The following PALLD variants were observed in gnomAD, a reference collection of about 807,000 sequenced individuals.
The protein encoded by PALLD is palladin.
PALLD carries 61 observed loss-of-function variants against 123.5 expected under a neutral mutation model. The observed-to-expected ratio is 0.49, with a 90% confidence interval of 0.40 to 0.61. The LOEUF is 0.61. Ranked by LOEUF, PALLD falls within the 20% of genes least tolerant of loss-of-function variation. The pLI is 0.00. For missense variants in PALLD, 1,273 were observed against 1,377.0 expected (o/e 0.92, Z 1.20); for synonymous variants, 465 against 496.4 (o/e 0.94, Z 0.84).
chr4:168,868,545 C>T, intron 10 of PALLD, among the ~76,000 whole-genome samples: 1 of 152,216 alleles, frequency 6.6e-6, no homozygotes. Flanking sequence ...CCTACACATT[C>T]TTTAACTTAG....
intron 2 of PALLD, among the ~76,000 whole-genome samples, chr4:168,656,702 C>A (rs1778610916): frequency 6.6e-6 from 1 of 152,098 alleles, no homozygotes; most frequent in South Asian, 2.1e-4. Context: ...CCCTGCATAT[C>A]CAGATTGTGG....
At chr4:168,774,386 T>C (rs1182099747) in intron 10 of PALLD, among the ~76,000 whole-genome samples, 1 of 152,160 alleles carries the variant, frequency 6.6e-6, no homozygotes, top group Non-Finnish European at 1.5e-5. Flanking sequence ...TGCAATGTAA[T>C]AAGTTTTGAC....
At chr4:168,708,062 G>A (rs745788284) in intron 8 of PALLD, among the ~76,000 whole-genome samples, 3 of 152,128 alleles carry the variant, frequency 2.0e-5, no homozygotes, top group Non-Finnish European at 2.9e-5. Context: ...AGCTTGCTTT[G>A]AATCCCTATG....
chr4:168,633,043 C>T (rs2149835153), intron 2 of PALLD, among the ~76,000 whole-genome samples: 1 of 152,292 alleles, frequency 6.6e-6, no homozygotes, highest in South Asian at 2.1e-4. Context: ...AGAAAATCAT[C>T]AGGATATTGG....
At chr4:168,653,891 AG>A (rs1189070096) in intron 2 of PALLD, among the ~76,000 whole-genome samples, 1 of 151,990 alleles carries the variant, frequency 6.6e-6, no homozygotes, top group Non-Finnish European at 1.5e-5. Flanking sequence ...TAGTAGAGAC[AG>A]GGTTTCACCA....
rs376393417 is a variant in PALLD at position 168,509,583 on chromosome 4, A to C, written c.-82-1840A>C. ...TTCTATCCTGCAGCACAGACTGGAC[A>C]AAGGAATTAGAGTGATATTTGGGTT... On this transcript the variant is annotated intron_variant, in intron 1 of 21. Coordinates refer to ENST00000505667, the MANE Select transcript of PALLD (RefSeq NM_001166108.2). 2.6e-4 allele frequency among the ~76,000 whole-genome samples: 39 copies of C among 152,324 alleles called. No individual in the cohort carries two copies. In the East Asian group the frequency reaches 6.0e-3, roughly 23 times the overall value.
At chr4:168,899,829 A>G (rs909065724) in intron 14 of PALLD, among the ~76,000 whole-genome samples, 4 of 151,700 alleles carry the variant, frequency 2.6e-5, no homozygotes, top group African/African-American at 9.7e-5. Flanking sequence ...AGGCAGGAGA[A>G]TTGCTGGAAC....
At chr4:168,704,296 G>T (rs914438501) in intron 8 of PALLD, among the ~76,000 whole-genome samples, 3 of 152,012 alleles carry the variant, frequency 2.0e-5, no homozygotes, top group Admixed American at 1.3e-4. Flanking sequence ...GAAAACCTAG[G>T]CATTACCATT....
At chr4:168,691,777 T>C (rs2150126338) in intron 8 of PALLD, among the ~76,000 whole-genome samples, 1 of 152,290 alleles carries the variant, frequency 6.6e-6, no homozygotes, top group African/African-American at 2.4e-5. Context: ...CATAAACTTT[T>C]ACTATTCTGC....
chr4:168,739,013 G>GA (rs1232953089), intron 10 of PALLD, among the ~76,000 whole-genome samples: 2 of 152,040 alleles, frequency 1.3e-5, no homozygotes, highest in East Asian at 3.9e-4. Context: ...TGTATGAGTG[G>GA]AACATGCAAT....
Position 168,924,973 on chromosome 4 carries a change from T to G in PALLD, c.3253T>G (p.Cys1085Gly). 1 of 1,614,152 alleles carries G rather than the reference T, an allele frequency of 6.2e-7. No individual in the cohort carries two copies. Among genetic ancestry groups the G allele is most frequent in the Non-Finnish European group, 8.5e-7 (1 of 1,180,004 alleles). The change falls in exon 20 of 22, where the codon TGC becomes GGC. Residue 1085 changes from cysteine to glycine, a missense_variant. This residue lies in a region of PALLD where 329 missense variants were observed against 422.5 expected (regional missense o/e 0.78). Transcript: ENST00000505667. Reference protein sequence around the residue: ...SMHQDNHGYICLLIQGATKED... With the variant: ...SMHQDNHGYIGLLIQGATKED... ...GCACCAGGACAACCACGGCTACATCTGCCTGCTCATTCAGGGAGCCACAAA... is the reference window on the plus strand; with the variant it reads ...GCACCAGGACAACCACGGCTACATCGGCCTGCTCATTCAGGGAGCCACAAA...
chr4:168,902,936 T>C (rs1269386285), intron 14 of PALLD, among the ~76,000 whole-genome samples: 2 of 152,046 alleles, frequency 1.3e-5, no homozygotes, highest in Admixed American at 6.6e-5. Flanking sequence ...CACACCCAGA[T>C]AATTTTTTTA....
chr4:168,709,520 AAG>A, intron 9 of PALLD, among the ~76,000 whole-genome samples: 1 of 228 alleles, frequency 4.4e-3, no homozygotes, highest in Admixed American at 0.05. Flanking sequence ...GGAAGGAAGG[AAG>A]GAAGGAAGGA....
intron 2 of PALLD, among the ~76,000 whole-genome samples, chr4:168,521,079 T>C (rs2149453776): frequency 1.3e-5 from 2 of 152,292 alleles, no homozygotes; most frequent in South Asian, 4.1e-4. Context: ...TTGCTTTGAA[T>C]TTGTGGTGTT....
chr4:168,591,235 A>G (rs896148979), intron 2 of PALLD, among the ~76,000 whole-genome samples: 4 of 152,108 alleles, frequency 2.6e-5, no homozygotes, highest in Non-Finnish European at 5.9e-5. Flanking sequence ...TTCTCTCCAA[A>G]AGATTTACTG....
intron 10 of PALLD, among the ~76,000 whole-genome samples, chr4:168,812,368 T>C (rs917866603): frequency 6.6e-6 from 1 of 152,196 alleles, no homozygotes; most frequent in African/African-American, 2.4e-5. Flanking sequence ...TAATTTGGTT[T>C]GTCGGGGCAC....
intron 10 of PALLD, among the ~76,000 whole-genome samples, chr4:168,771,723 T>C (rs1734479574): frequency 6.6e-6 from 1 of 152,180 alleles, no homozygotes. Flanking sequence ...CTTTACCACC[T>C]GATTCCCTCA....
At chr4:168,771,393 G>T (rs1734418014) in intron 10 of PALLD, among the ~76,000 whole-genome samples, 1 of 152,174 alleles carries the variant, frequency 6.6e-6, no homozygotes, top group Non-Finnish European at 1.5e-5. Context: ...AAAATGCACA[G>T]TTGTTGAGAG....
At chr4:168,819,327 TTGTGTGTGTGTGTG>T (rs3046003) in intron 10 of PALLD, among the ~76,000 whole-genome samples, 3 of 148,830 alleles carry the variant, frequency 2.0e-5, no homozygotes, top group East Asian at 2.0e-4. Context: ...CCGAGACCAT[TTGTGTGTGTGTGTG>T]TGTGTGTGTG....
Sources: allele counts gnomAD v4.1 joint callset (sites outside exome capture counted in the v4.1 genomes callset), GRCh38; gene constraint gnomAD v4.1.1; regional missense constraint gnomAD v4.1.1; transcripts MANE v1.5; gene names NCBI Gene and HGNC (gene_info 2026-07-23, HGNC 2026-07-21).